The following LAMA2 variants were observed in gnomAD, a reference collection of about 807,000 sequenced individuals.
The protein encoded by LAMA2 is laminin subunit alpha-2.
LAMA2 carries 269 observed loss-of-function variants against 364.8 expected under a neutral mutation model. The observed-to-expected ratio is 0.74, with a 90% CI of 0.67 to 0.82. LAMA2 has a LOEUF of 0.82. LAMA2 is among the 40% of genes least tolerant of loss of function. The probability of loss-of-function intolerance (pLI) is 0.00; values close to 1 mark genes in which losing one functional copy is unlikely to be tolerated. For synonymous variants in LAMA2, 1,379 were observed against 1,370.6 expected (o/e 1.01, Z -0.14); for missense variants, 3,807 against 3,873.2 (o/e 0.98, Z 0.45).
chr6:129,152,879 T>G (rs1206324420), intron 7 of LAMA2, among the ~76,000 whole-genome samples: 1 of 152,184 alleles, frequency 6.6e-6, no homozygotes, highest in African/African-American at 2.4e-5. Context: ...AAGGGCTCCA[T>G]GATTTACTGT....
At chr6:128,981,427 C>A (rs796898421) in intron 1 of LAMA2, among the ~76,000 whole-genome samples, 19 of 152,072 alleles carry the variant, frequency 1.2e-4, no homozygotes, top group Middle Eastern at 3.4e-3. Context: ...TTTCACACAT[C>A]ATTTGAACCT....
chr6:129,262,819 G>A (rs970415561), intron 15 of LAMA2, among the ~76,000 whole-genome samples: 1 of 152,024 alleles, frequency 6.6e-6, no homozygotes, highest in African/African-American at 2.4e-5. Flanking sequence ...CTGAGTAAAC[G>A]CCAAAGACCA....
intron 1 of LAMA2, among the ~76,000 whole-genome samples, chr6:128,995,554 C>A (rs1783880180): frequency 6.6e-6 from 1 of 152,140 alleles, no homozygotes; most frequent in African/African-American, 2.4e-5. Context: ...GAACTCCTGA[C>A]CTCAGGTGAT....
intron 1 of LAMA2, among the ~76,000 whole-genome samples, chr6:128,978,420 C>T (rs1176278382): frequency 5.3e-5 from 8 of 150,444 alleles, no homozygotes; most frequent in African/African-American, 1.5e-4. Flanking sequence ...CGGGTTCAAG[C>T]GATTCACTTG....
chr6:129,461,411 A>G (rs1338974778), intron 49 of LAMA2, among the ~76,000 whole-genome samples: 2 of 152,018 alleles, frequency 1.3e-5, no homozygotes, highest in African/African-American at 4.8e-5. Flanking sequence ...GAAATTGAGG[A>G]TAGTTTGAAA....
At chr6:129,366,894 A>G (rs2114621431) in intron 33 of LAMA2, among the ~76,000 whole-genome samples, 1 of 152,338 alleles carries the variant, frequency 6.6e-6, no homozygotes, top group South Asian at 2.1e-4. Flanking sequence ...GAATGTGAGC[A>G]TCACTTGACA....
intron 20 of LAMA2, among the ~76,000 whole-genome samples, chr6:129,294,553 C>A (rs1042496170): frequency 3.9e-5 from 6 of 152,110 alleles, no homozygotes; most frequent in Non-Finnish European, 5.9e-5. Context: ...ATTCTCATGA[C>A]CTAATCACCT....
At chr6:128,986,087 C>T (rs71568934) in intron 1 of LAMA2, among the ~76,000 whole-genome samples, 2,000 of 152,228 alleles carry the variant, frequency 0.013, 19 homozygotes, top group Non-Finnish European at 0.021. Context: ...TTTTGTATCT[C>T]TATGAACTCA....
At chr6:129,355,892 C>T (rs989530229) in intron 32 of LAMA2, among the ~76,000 whole-genome samples, 1 of 152,080 alleles carries the variant, frequency 6.6e-6, no homozygotes, top group African/African-American at 2.4e-5. Flanking sequence ...TGATAAATGA[C>T]CTAAGCCTGA....
intron 20 of LAMA2, among the ~76,000 whole-genome samples, chr6:129,295,502 A>C (rs907575788): frequency 1.3e-5 from 2 of 152,110 alleles, no homozygotes; most frequent in Non-Finnish European, 2.9e-5. Flanking sequence ...CTTTGAAACA[A>C]ATTTTTGAAC....
At chr6:129,060,489 A>G (rs1374460940) in intron 3 of LAMA2, among the ~76,000 whole-genome samples, 1 of 152,184 alleles carries the variant, frequency 6.6e-6, no homozygotes, top group Non-Finnish European at 1.5e-5. Flanking sequence ...TCTTCACAAT[A>G]TTCAGGTCAG....
intron 4 of LAMA2, among the ~76,000 whole-genome samples, chr6:129,104,542 C>A (rs1159800896): frequency 6.6e-6 from 1 of 152,066 alleles, no homozygotes; most frequent in African/African-American, 2.4e-5. Flanking sequence ...CTGAAAGATA[C>A]CTTAGGTAAA....
At chr6:129,251,497 A>G (rs981268783) in intron 13 of LAMA2, among the ~76,000 whole-genome samples, 4 of 152,218 alleles carry the variant, frequency 2.6e-5, no homozygotes, top group Non-Finnish European at 5.9e-5. Flanking sequence ...TTTAGTTAAC[A>G]GGGAACTAAG....
intron 1 of LAMA2, among the ~76,000 whole-genome samples, chr6:128,908,358 T>C (rs1302975498): frequency 2.6e-5 from 4 of 151,978 alleles, no homozygotes; most frequent in Admixed American, 2.6e-4. Context: ...CCTGGTTTAG[T>C]CTTGGGAGAG....
At position 129,481,242 on chromosome 6, in the gene LAMA2, CTTCTT is replaced by C. The variant is rs775382011; in HGVS notation, c.7573-17_7573-13del. 1.9e-6 allele frequency: 3 copies of C among 1,606,686 alleles called. No homozygotes were observed. The highest frequency in any genetic ancestry group is 1.1e-5 in the South Asian group (1 of 90,944). ...ATTTTCATTTCTAATGGTTTCTACT[CTTCTT>C]TTCCTTTACTCACAGAATGTTTACA... On this transcript the variant is annotated splice_polypyrimidine_tract_variant and intron_variant, in intron 54 of 64. Coordinates refer to ENST00000421865, the MANE Select transcript of LAMA2 (RefSeq NM_000426.4).
At chr6:129,302,785 T>C (rs892108474) in intron 22 of LAMA2, among the ~76,000 whole-genome samples, 12 of 152,134 alleles carry the variant, frequency 7.9e-5, no homozygotes, top group African/African-American at 2.9e-4. Context: ...TATATGTTTA[T>C]GCATTTCTGG....
intron 41 of LAMA2, among the ~76,000 whole-genome samples, chr6:129,433,964 T>C (rs569637954): frequency 6.6e-6 from 1 of 152,286 alleles, no homozygotes; most frequent in South Asian, 2.1e-4. Context: ...ATTTGCCATA[T>C]GTAAAAAGGG....
At chr6:128,911,171 C>G (rs182581265) in intron 1 of LAMA2, among the ~76,000 whole-genome samples, 12 of 152,254 alleles carry the variant, frequency 7.9e-5, no homozygotes, top group Admixed American at 6.5e-5. Flanking sequence ...ACACCCAGTT[C>G]GAGCTTCCCG....
intron 3 of LAMA2, among the ~76,000 whole-genome samples, chr6:129,093,969 G>T (rs951672037): frequency 6.6e-6 from 1 of 152,116 alleles, no homozygotes; most frequent in Admixed American, 6.6e-5. Flanking sequence ...GAACAGACTG[G>T]GGTGGGGGTT....
Sources: allele counts gnomAD v4.1 joint callset (sites outside exome capture counted in the v4.1 genomes callset), GRCh38; gene constraint gnomAD v4.1.1; transcripts MANE v1.5; gene names NCBI Gene and HGNC (gene_info 2026-07-23, HGNC 2026-07-21).